The following NUP98 variants were observed in gnomAD, a reference collection of about 807,000 sequenced individuals.
The protein encoded by NUP98 is nucleoporin 98 and 96 precursor.
NUP98 carries 26 observed loss-of-function variants against 191.9 expected under a neutral mutation model. The ratio of observed to expected loss-of-function variants is 0.14; its 90% CI spans 0.10 to 0.19. The LOEUF (loss-of-function observed/expected upper bound fraction) is 0.19, where lower values mean the gene tolerates loss of function less well. NUP98 is among the 10% of genes least tolerant of loss of function. The pLI is 1.00. For synonymous variants in NUP98, 808 were observed against 778.4 expected (o/e 1.04, Z -0.63); for missense variants, 1,941 against 2,178.8 (o/e 0.89, Z 2.17).
intron 14 of NUP98, among the ~76,000 whole-genome samples, chr11:3,726,356 T>C (rs2079616017): frequency 6.6e-6 from 1 of 151,394 alleles, no homozygotes; most frequent in Admixed American, 6.6e-5. Flanking sequence ...TAAAAACTGA[T>C]GAAATAGGAA....
chr11:3,793,766 T>C (rs1371984835), intron 1 of NUP98, among the ~76,000 whole-genome samples: 1 of 151,288 alleles, frequency 6.6e-6, no homozygotes, highest in East Asian at 2.0e-4. Flanking sequence ...AGGTCACGAG[T>C]TCCAGATCAG....
chr11:3,695,474 A>G lies in NUP98; in HGVS notation c.4142T>C (p.Ile1381Thr). ...DSFIQDERLR[I>T]FALLAGKPVW... ...CGGTTTTCCAGCCAACAGAGCAAAG[A>G]TGCGCAGTCTCTCATCCTGGATGAA... Residue 1381 changes from isoleucine (I) to threonine (T), a missense_variant, in exon 26 of 33, where the codon ATC becomes ACC. Ile to Thr is a moderately conservative substitution (Grantham distance 89, BLOSUM62 -1). Around this residue, in one of 6 missense-constraint regions of NUP98, gnomAD observed 1,030 missense variants for 1,115.8 expected, o/e 0.92. Coordinates refer to ENST00000324932, the MANE Select transcript of NUP98 (RefSeq NM_016320.5). 1.9e-6 allele frequency: 3 copies of G among 1,584,518 alleles called. No homozygotes were observed. In the East Asian group the frequency reaches 6.8e-5, roughly 36 times the overall value.
At chr11:3,715,922 T>A (rs2079165069) in intron 18 of NUP98, among the ~76,000 whole-genome samples, 1 of 152,254 alleles carries the variant, frequency 6.6e-6, no homozygotes, top group Non-Finnish European at 1.5e-5. Context: ...GCTCATTTTT[T>A]AAATGGGTTA....
intron 13 of NUP98, among the ~76,000 whole-genome samples, chr11:3,732,041 C>T (rs2079871358): frequency 1.3e-5 from 2 of 152,100 alleles, no homozygotes; most frequent in Non-Finnish European, 2.9e-5. Flanking sequence ...CTTTCCAGCC[C>T]CCATTTAAAA....
At chr11:3,791,138 G>A (rs1030310831) in intron 1 of NUP98, among the ~76,000 whole-genome samples, 21 of 151,862 alleles carry the variant, frequency 1.4e-4, no homozygotes, top group South Asian at 4.2e-4. Context: ...CTTGTGATCC[G>A]CCCCCCTCAG....
At chr11:3,711,242 A>G (rs1300541846) in intron 20 of NUP98, among the ~76,000 whole-genome samples, 4 of 150,942 alleles carry the variant, frequency 2.7e-5, no homozygotes, top group African/African-American at 9.8e-5. Flanking sequence ...TTTCTCAAGG[A>G]AAAAAAAAGC....
At chr11:3,741,658 A>C (rs1169751539) in intron 12 of NUP98, among the ~76,000 whole-genome samples, 1 of 152,132 alleles carries the variant, frequency 6.6e-6, no homozygotes, top group African/African-American at 2.4e-5. Flanking sequence ...AGAAGACAAC[A>C]AAAAAATCTC....
At chr11:3,773,764 T>G (rs202052173) in intron 5 of NUP98, 25 bp from the exon 6 acceptor site, 8 of 1,441,354 alleles carry the variant, frequency 5.6e-6, no homozygotes, top group Non-Finnish European at 6.8e-6. Context: ...AAAGGCAAAT[T>G]TGTAGGTCCA....
chr11:3,759,899 C>G (rs887267796), intron 10 of NUP98, among the ~76,000 whole-genome samples: 14 of 151,732 alleles, frequency 9.2e-5, no homozygotes, highest in Non-Finnish European at 1.6e-4. Context: ...AATGCAGTGG[C>G]AATTCACAAG....
intron 15 of NUP98, among the ~76,000 whole-genome samples, chr11:3,724,595 C>T (rs1229980734): frequency 6.6e-6 from 1 of 151,696 alleles, no homozygotes; most frequent in Non-Finnish European, 1.5e-5. Flanking sequence ...AGCTCGAGAC[C>T]ATCCTTGGCT....
intron 12 of NUP98, among the ~76,000 whole-genome samples, chr11:3,743,016 T>C (rs1355934457): frequency 6.6e-6 from 1 of 152,042 alleles, no homozygotes; most frequent in Non-Finnish European, 1.5e-5. Context: ...TCTTTTCTTT[T>C]ACTTTTTTCT....
chr11:3,687,482 T>A (rs1195598708), intron 28 of NUP98, among the ~76,000 whole-genome samples: 1 of 152,234 alleles, frequency 6.6e-6, no homozygotes. Flanking sequence ...TGCAAAAATT[T>A]TCTGCTTTGT....
rs111783352 is a variant in NUP98 at position 3,715,440 on chromosome 11, T to C, written c.2400-1445A>G. On this transcript the variant is annotated intron_variant, in intron 18 of 32. Transcript: ENST00000324932. ...GAGCCACCACGCCCGGCCATTTTTT[T>C]TTTTTCTAGTAACCATCCTAATGGG... 1.0e-2 allele frequency among the ~76,000 whole-genome samples: 1,519 copies of C among 152,212 alleles called. 27 individuals are homozygous for C. The highest frequency in any genetic ancestry group is 0.035 in the African/African-American group (1,460 of 41,542).
intron 31 of NUP98, 43 bp from the exon 32 acceptor site, chr11:3,676,663 T>G: frequency 7.0e-7 from 1 of 1,425,422 alleles, no homozygotes; most frequent in Non-Finnish European, 9.9e-7. Context: ...GGGGAGTTCC[T>G]ATCACTCCAA....
intron 11 of NUP98, among the ~76,000 whole-genome samples, chr11:3,748,959 AAC>A (rs200997080): frequency 2.1e-4 from 32 of 150,924 alleles, no homozygotes; most frequent in Non-Finnish European, 3.7e-4. Flanking sequence ...AAAAAAAAAA[AAC>A]AATTATATAA....
At position 3,676,289 on chromosome 11, in the gene NUP98, G is replaced by C. The variant is rs752719432; in HGVS notation, c.5273C>G (p.Pro1758Arg). The change falls in exon 33 of 33, where the codon CCT becomes CGT. Residue 1758 changes from proline to arginine, a missense_variant. Physicochemically the swap from Pro to Arg is moderately radical, Grantham distance 103. Around this residue, in one of 6 missense-constraint regions of NUP98, gnomAD observed 1,030 missense variants for 1,115.8 expected, o/e 0.92. Coordinates refer to ENST00000324932, the MANE Select transcript of NUP98 (RefSeq NM_016320.5). ...CAAGAGGCGCAAAGGGACTCGCTGA[G>C]GGTCTGGTGTTGAGTCGGAGGTTCT... ...PDRTSDSTPD[P>R]QRVPLRLLAP... 6.2e-7 allele frequency: 1 copy of C among 1,614,184 alleles called. No individual in the cohort carries two copies. The highest frequency in any genetic ancestry group is 1.7e-5 in the Admixed American group (1 of 60,030).
In NUP98 at chr11:3,723,182, A is replaced by G. The variant is rs2079471558; in HGVS notation, c.2121T>C (p.Asn707=). 6.2e-7 allele frequency: 1 copy of G among 1,613,998 alleles called. No homozygotes were observed. The highest frequency in any genetic ancestry group is 8.5e-7 in the Non-Finnish European group (1 of 1,180,016). ...SLQDDREEIE[N]NSYHMHPAGI... ...CTGCTGGGTGCATATGGTAAGAATT[A>G]TTTTCTATTTCTTCTCGGTCATCCT... The change falls in exon 16 of 33, where the codon AAT becomes AAC. Residue 707 remains asparagine, a synonymous_variant. Transcript: ENST00000324932.
Position 3,702,311 on chromosome 11 carries a change from ACACTCTCTCTCTCTCTCTCTCT to A in NUP98, c.3512+130_3512+151del, listed in dbSNP as rs1165427579. The A allele has an allele frequency of 2.6e-3, 1,092 of 423,770 alleles. 5 individuals carry two copies. Among genetic ancestry groups the A allele is most frequent in the African/African-American group, 4.2e-3 (95 of 22,804 alleles). 26.3% of individuals were successfully genotyped at this position (423,770 alleles called of 1,614,324 possible). On this transcript the variant is annotated intron_variant, in intron 23 of 32. Coordinates refer to ENST00000324932, the MANE Select transcript of NUP98 (RefSeq NM_016320.5). ...CACACACACACACACACACACACAC[ACACTCTCTCTCTCTCTCTCTCT>A]CTCTCTCTCTCTCTCTCTCTCTCTC...
chr11:3,704,075 G>C (rs1019821676), intron 22 of NUP98, among the ~76,000 whole-genome samples: 4 of 152,156 alleles, frequency 2.6e-5, no homozygotes, highest in Non-Finnish European at 5.9e-5. Flanking sequence ...TGAAGTACCA[G>C]ATTTTCATGT....
Sources: gnomAD v4.1 joint callset for allele counts (sites outside exome capture counted in the v4.1 genomes callset) on GRCh38, gnomAD v4.1.1 for gene constraint, gnomAD v4.1.1 regional missense constraint, MANE v1.5 for transcripts, NCBI Gene and HGNC (gene_info 2026-07-23, HGNC 2026-07-21) for gene names.